Variants in NOD1 observed in about 807,000 individuals in gnomAD.
NOD1 encodes nucleotide-binding oligomerization domain-containing protein 1.
A neutral mutation model predicts 81.2 loss-of-function variants in NOD1; 70 were observed. The observed-to-expected ratio is 0.86, with a 90% CI of 0.71 to 1.05. The LOEUF (loss-of-function observed/expected upper bound fraction) is 1.05, where lower values mean the gene tolerates loss of function less well. Among genes scored for constraint, NOD1 ranks in the 50% least tolerant of loss-of-function variants. The probability of loss-of-function intolerance (pLI) is 0.00; values close to 1 mark genes in which losing one functional copy is unlikely to be tolerated. For missense variants in NOD1, 1,233 were observed against 1,228.0 expected (o/e 1.00, Z -0.06); for synonymous variants, 508 against 526.9 (o/e 0.96, Z 0.49).
chr7:30,439,622 C>G (rs1259912440), intron 9 of NOD1, among the ~76,000 whole-genome samples: 1 of 85,666 alleles, frequency 1.2e-5, no homozygotes, highest in African/African-American at 6.1e-5. Context: ...CGGAATCTCG[C>G]TGATTGCTAG....
chr7:30,449,487 T>G (rs779540294), intron 6 of NOD1, among the ~76,000 whole-genome samples: 1 of 152,148 alleles, frequency 6.6e-6, no homozygotes, highest in Non-Finnish European at 1.5e-5. Context: ...CTCTCAATCT[T>G]TGCCCTTCCT....
chr7:30,472,492 T>G (rs968307134), intron 1 of NOD1, among the ~76,000 whole-genome samples: 5 of 152,278 alleles, frequency 3.3e-5, no homozygotes, highest in Non-Finnish European at 7.3e-5. Flanking sequence ...TAAAGCACTT[T>G]CCACAAGTTA....
intron 9 of NOD1, 99 bp from the exon 10 acceptor site, chr7:30,437,755 C>T: frequency 1.3e-6 from 1 of 772,306 alleles, no homozygotes; most frequent in Admixed American, 4.0e-5. Context: ...TCCTACTCAA[C>T]AGGCAGATGT....
At chr7:30,455,037 T>G in intron 5 of NOD1, 100 bp downstream of exon 5, 2 of 1,164,060 alleles carry the variant, frequency 1.7e-6, no homozygotes, top group Non-Finnish European at 2.5e-6. Flanking sequence ...CACCTGGGCC[T>G]GCTTCCTGAG....
chr7:30,456,717 G>A lies in NOD1; in HGVS notation c.201+4C>T, dbSNP rs371092734. ...TGCCATGCCCGTCCCTGTCCCCGGG[G>A]CACCTTGTCAGGCTGGGTGGGGCAG... On this transcript the variant is annotated splice_donor_region_variant and intron_variant, in intron 4 of 13. Coordinates refer to ENST00000222823, the MANE Select transcript of NOD1 (RefSeq NM_006092.4). The A allele has an allele frequency of 3.0e-5, 48 of 1,613,316 alleles. No homozygotes were observed. The African/African-American group carries it at 5.6e-4, about 19-fold the overall frequency.
At chr7:30,433,203 T>C in intron 11 of NOD1, 24 bp from the exon 12 acceptor site, 2 of 1,569,934 alleles carry the variant, frequency 1.3e-6, no homozygotes, top group Non-Finnish European at 1.8e-6. Flanking sequence ...AGGAAGTATT[T>C]ACTCAAGAGA....
At chr7:30,446,723 C>A in intron 8 of NOD1, 2 of 502,170 alleles carry the variant, frequency 4.0e-6, no homozygotes, top group Non-Finnish European at 3.5e-6. Context: ...GAGAGTTAGT[C>A]CTTTCTTCGG....
At chr7:30,469,215 T>C in intron 1 of NOD1, 2 of 985,426 alleles carry the variant, frequency 2.0e-6, no homozygotes, top group Non-Finnish European at 2.4e-6. Context: ...CAGAACACTA[T>C]AGGCAGCCGA....
At position 30,459,251 on chromosome 7, in the gene NOD1, A is replaced by G. The variant is rs1024580184; in HGVS notation, c.-210-11T>C. On this transcript the variant is annotated splice_polypyrimidine_tract_variant and intron_variant, in intron 2 of 13. Transcript: ENST00000222823. ...ATTTATTTCTGGAATCTGCAAAATC[A>G]AAGAAAGACTTAAAAAAATTATTGT... is the stretch of plus-strand genomic sequence containing the variant. 10 of 152,808 alleles carry G rather than the reference A, an allele frequency of 6.5e-5. No homozygotes were observed. The highest frequency in any genetic ancestry group is 2.4e-4 in the African/African-American group (10 of 41,586). 9.5% of individuals were successfully genotyped at this position (152,808 alleles called of 1,614,324 possible). A position where few individuals can be genotyped will look rare whatever the true frequency, so the allele number is the denominator to read the frequency against.
intron 1 of NOD1, among the ~76,000 whole-genome samples, chr7:30,477,417 C>G (rs1788892952): frequency 6.6e-6 from 1 of 152,228 alleles, no homozygotes; most frequent in Admixed American, 6.5e-5. Flanking sequence ...TTACTCTTCC[C>G]TGAAAGTGAT....
At chr7:30,468,830 CCA>C in intron 1 of NOD1, 1 of 985,312 alleles carries the variant, frequency 1.0e-6, no homozygotes, top group African/African-American at 1.7e-5. Flanking sequence ...TCCACAGGCT[CCA>C]CAGTTTTACA....
intron 1 of NOD1, among the ~76,000 whole-genome samples, chr7:30,469,510 T>C (rs1788052097): frequency 6.6e-6 from 1 of 152,160 alleles, no homozygotes; most frequent in Admixed American, 6.5e-5. Flanking sequence ...AAGAAAGGAA[T>C]GCAGACACAG....
At chr7:30,448,459 G>C in intron 6 of NOD1, 78 bp from the exon 7 acceptor site, 1 of 1,234,428 alleles carries the variant, frequency 8.1e-7, no homozygotes, top group East Asian at 2.3e-5. Flanking sequence ...CAAAGATCCA[G>C]AAGCCTTCAG....
chr7:30,474,711 G>T (rs1041472353), intron 1 of NOD1, among the ~76,000 whole-genome samples: 2 of 152,202 alleles, frequency 1.3e-5, no homozygotes, highest in East Asian at 1.9e-4. Context: ...AGAGGCCACC[G>T]ACTGGTATTG....
intron 1 of NOD1, among the ~76,000 whole-genome samples, chr7:30,473,628 C>T (rs1358828410): frequency 6.6e-6 from 1 of 152,146 alleles, no homozygotes; most frequent in Non-Finnish European, 1.5e-5. Context: ...GAGGAGGCGA[C>T]AGGAGGAGTG....
chr7:30,455,752 C>G (rs966370201), intron 4 of NOD1, among the ~76,000 whole-genome samples: 1 of 152,168 alleles, frequency 6.6e-6, no homozygotes, highest in Non-Finnish European at 1.5e-5. Flanking sequence ...CAGGCACCCA[C>G]CACCATGCCC....
chr7:30,465,518 G>C (rs1398296404), intron 1 of NOD1, among the ~76,000 whole-genome samples: 1 of 152,184 alleles, frequency 6.6e-6, no homozygotes, highest in Non-Finnish European at 1.5e-5. Flanking sequence ...AGCATGAGCA[G>C]ACAAGACTAG....
chr7:30,451,440 G>C lies in NOD1; in HGVS notation c.1977C>G (p.Ile659Met), dbSNP rs749945912. 10 of 1,613,774 alleles carry C rather than the reference G, an allele frequency of 6.2e-6. No individual in the cohort carries two copies. The highest frequency in any genetic ancestry group is 1.7e-5 in the Admixed American group (1 of 60,018). ...CCACCTTCTGGCTCTGTGTCTCGTA[G>C]ATGCAGCGCAGCATCCAGATGAACG... ...MPTFIWMLRC[I>M]YETQSQKVGQ... is the part of the protein sequence containing the mutation. Residue 659 changes from isoleucine to methionine, a missense_variant, in exon 6 of 14, where the codon ATC (isoleucine) becomes ATG (methionine). Coordinates refer to ENST00000222823, the MANE Select transcript of NOD1 (RefSeq NM_006092.4). This position sits in a 1 kb window ranked among gnomAD's most constrained non-coding sequence, Gnocchi z 4.2.
intron 9 of NOD1, among the ~76,000 whole-genome samples, chr7:30,439,607 G>A (rs1450893670): frequency 8.5e-5 from 7 of 82,632 alleles, no homozygotes; most frequent in African/African-American, 1.3e-4. Flanking sequence ...AGGGTCCTAC[G>A]CCCACGGAAT....
Sources: allele counts gnomAD v4.1 joint callset (sites outside exome capture counted in the v4.1 genomes callset), GRCh38; gene constraint gnomAD v4.1.1; non-coding constraint Gnocchi (gnomAD v3.1); transcripts MANE v1.5; gene names NCBI Gene and HGNC (gene_info 2026-07-23, HGNC 2026-07-21).